GCGR: variants seen among roughly 807,000 people sequenced by gnomAD.
The protein encoded by GCGR is glucagon receptor.
In GCGR, 41 loss-of-function variants were observed where a neutral mutation model predicts 56.1. That is an observed-to-expected ratio of 0.73 (90% confidence interval 0.57 to 0.95). The LOEUF is 0.95. Among genes scored for constraint, GCGR ranks in the 40% least tolerant of loss-of-function variants. GCGR has a pLI of 0.00. For missense variants in GCGR, 595 were observed against 638.2 expected (o/e 0.93, Z 0.73); for synonymous variants, 278 against 271.1 (o/e 1.03, Z -0.25).
chr17:81,812,912 G>A lies in GCGR; in HGVS notation c.1143G>A (p.Lys381=). 6.5e-7 allele frequency: 1 copy of A among 1,536,120 alleles called. No homozygotes were observed. Among genetic ancestry groups the A allele is most frequent in the Non-Finnish European group, 8.7e-7 (1 of 1,146,756 alleles). The change falls in exon 12 of 14, where the codon AAG becomes AAA. Residue 381 remains lysine (K), a synonymous_variant. Coordinates refer to ENST00000400723, the MANE Select transcript of GCGR (RefSeq NM_000160.5). The surrounding 1 kb of genome is among the most constrained non-coding windows in gnomAD (Gnocchi z 8.5). Reference sequence around the variant, plus strand: ...CCCAGGGCACCCTGCGCTCCGCCAAGCTCTTCTTCGACCTCTTCCTCAGCT... The same window carrying A: ...CCCAGGGCACCCTGCGCTCCGCCAAACTCTTCTTCGACCTCTTCCTCAGCT... ...EHAQGTLRSA[K]LFFDLFLSSF... is the part of the protein sequence containing the mutation.
chr17:81,811,356 C>A lies in GCGR; in HGVS notation c.500+28C>A. The stretch of plus-strand genomic sequence containing the variant: ...AGGATTCCGCCAGCGCCCGGGGCGG[C>A]CGCAGAGGACAGGGAGGAGGACGGG... On this transcript the variant is annotated intron_variant, in intron 6 of 13. Coordinates refer to ENST00000400723, the MANE Select transcript of GCGR (RefSeq NM_000160.5). The surrounding 1 kb of genome is among the most constrained non-coding windows in gnomAD (Gnocchi z 5.8). The A allele has an allele frequency of 6.5e-7, 1 of 1,534,490 alleles. No homozygotes were observed. Among genetic ancestry groups the A allele is most frequent in the Non-Finnish European group, 8.7e-7 (1 of 1,145,486 alleles).
intron 1 of GCGR, among the ~76,000 whole-genome samples, chr17:81,807,104 G>A (rs1338744512): frequency 6.6e-6 from 1 of 152,174 alleles, no homozygotes; most frequent in African/African-American, 2.4e-5. Flanking sequence ...GTTTGATCAG[G>A]ATCAGGGAAG....
chr17:81,813,812 C>T lies in GCGR; in HGVS notation c.*123C>T. The T allele has an allele frequency of 5.7e-6, 5 of 878,758 alleles. No homozygotes were observed. Among genetic ancestry groups the T allele is most frequent in the East Asian group, 2.7e-5 (1 of 37,674 alleles). The allele number at this position is 878,758 out of a possible 1,614,324, so 54.4% of individuals were successfully genotyped here. ...AGCCAACAGCAGCCCCCACCTACCCCCCACCCCCAGTGTGGCTGTCTGCGA... is the reference window on the plus strand; with the variant it reads ...AGCCAACAGCAGCCCCCACCTACCCTCCACCCCCAGTGTGGCTGTCTGCGA... On this transcript the variant is annotated 3_prime_UTR_variant, in exon 14 of 14. Transcript: ENST00000400723. The surrounding 1 kb of genome is among the most constrained non-coding windows in gnomAD (Gnocchi z 5.3).
In GCGR at chr17:81,810,070, G is replaced by A; in HGVS notation, c.163+186G>A. The A allele has an allele frequency of 1.5e-6, 1 of 664,066 alleles. No individual in the cohort carries two copies. The highest frequency in any genetic ancestry group is 2.8e-6 in the Non-Finnish European group (1 of 362,832). The allele number at this position is 664,066 out of a possible 1,614,324, so 41.1% of individuals were successfully genotyped here. On this transcript the variant is annotated intron_variant, in intron 3 of 13. Coordinates refer to ENST00000400723, the MANE Select transcript of GCGR (RefSeq NM_000160.5). This position sits in a 1 kb window ranked among gnomAD's most constrained non-coding sequence, Gnocchi z 4.6. ...GAGGTAACTGAGCCACAGAGCTGGGGACTTGCCTCAGGCCGCAGAGCCAGG... is the reference window on the plus strand; with the variant it reads ...GAGGTAACTGAGCCACAGAGCTGGGAACTTGCCTCAGGCCGCAGAGCCAGG...
At position 81,813,200 on chromosome 17, in the gene GCGR, T is replaced by G. The variant is rs2038140085; in HGVS notation, c.1218+143T>G. ...AGCCTTTCCCTCCCCCTGCTCTTAT[T>G]GGGTGCAGTTGCCATGGCGCTGGGT... On this transcript the variant is annotated intron_variant, in intron 13 of 13. Transcript: ENST00000400723. This position sits in a 1 kb window ranked among gnomAD's most constrained non-coding sequence, Gnocchi z 5.3. 1.5e-6 allele frequency: 2 copies of G among 1,320,060 alleles called. No homozygotes were observed. Among genetic ancestry groups the G allele is most frequent in the African/African-American group, 1.5e-5 (1 of 68,796 alleles). The allele number at this position is 1,320,060 out of a possible 1,614,324, so 81.8% of individuals were successfully genotyped here. A position where few individuals can be genotyped will look rare whatever the true frequency, so the allele number is the denominator to read the frequency against.
chr17:81,812,628 C>G lies in GCGR; in HGVS notation c.1000C>G (p.Arg334Gly), dbSNP rs976902380. The G allele has an allele frequency of 6.5e-7, 1 of 1,536,396 alleles. No individual in the cohort carries two copies. Among genetic ancestry groups the G allele is most frequent in the African/African-American group, 1.4e-5 (1 of 73,148 alleles). Residue 334 changes from arginine to glycine, a missense_variant, in exon 11 of 14, where the codon CGG becomes GGG. Physicochemically the swap from Arg to Gly is moderately radical, Grantham distance 125. Coordinates refer to ENST00000400723, the MANE Select transcript of GCGR (RefSeq NM_000160.5). This position sits in a 1 kb window ranked among gnomAD's most constrained non-coding sequence, Gnocchi z 8.5. ...RIVQLLVAKL[R>G]ARQMHHTDYK... Reference sequence around the variant, plus strand: ...CGTTCAGCTGCTCGTGGCCAAGCTGCGGGCACGGCAGATGCACCACACAGA... The same window carrying G: ...CGTTCAGCTGCTCGTGGCCAAGCTGGGGGCACGGCAGATGCACCACACAGA...
chr17:81,808,808 C>G, intron 1 of GCGR, 34 bp from the exon 2 acceptor site: 1 of 617,552 alleles, frequency 1.6e-6, no homozygotes, highest in South Asian at 2.0e-5. Flanking sequence ...CGTGAGCCGC[C>G]GCGCCCGGCC....
chr17:81,809,143 TCTGTCTGC>T (rs200551811), intron 2 of GCGR, 65 bp downstream of exon 2: 247,869 of 1,501,090 alleles, frequency 0.17, 21,069 homozygotes, highest in African/African-American at 0.22. Flanking sequence ...CTGATGGCTC[TCTGTCTGC>T]CTGCCTGCCT....
intron 2 of GCGR, among the ~76,000 whole-genome samples, chr17:81,809,564 CGTCT>C (rs1181266823): frequency 1.0e-5 from 1 of 100,114 alleles, no homozygotes; most frequent in Non-Finnish European, 2.0e-5. Context: ...TCTGCCTGTC[CGTCT>C]GCCTGTCTGT....
rs183154338 is a variant in GCGR, at chr17:81,806,799, C to A, written c.-177-2043C>A. Among the ~76,000 whole-genome samples, 1 of 151,458 alleles carries A rather than the reference C, an allele frequency of 6.6e-6. No individual in the cohort carries two copies. Among genetic ancestry groups the A allele is most frequent in the African/African-American group, 2.4e-5 (1 of 41,222 alleles). On this transcript the variant is annotated intron_variant, in intron 1 of 13. Transcript: ENST00000400723. The surrounding 1 kb of genome is among the most constrained non-coding windows in gnomAD (Gnocchi z 6.5). Reference sequence around the variant, plus strand: ...GTGAGCACGCGTCCCCCCCCACCCCCACTTCGAGGCGCCCAGGCAGGGAAC... The same window carrying A: ...GTGAGCACGCGTCCCCCCCCACCCCAACTTCGAGGCGCCCAGGCAGGGAAC...
chr17:81,810,524 G>C lies in GCGR; in HGVS notation c.164-301G>C. On this transcript the variant is annotated intron_variant, in intron 3 of 13. Transcript: ENST00000400723. This position sits in a 1 kb window ranked among gnomAD's most constrained non-coding sequence, Gnocchi z 4.6. ...ACGGAGAATGGGGGACCCCAGTGTG[G>C]GTTTGGGGCACATTTGAGATGGGGG... 1.9e-6 allele frequency: 1 copy of C among 518,052 alleles called. No homozygotes were observed. The allele number at this position is 518,052 out of a possible 1,614,324, so 32.1% of individuals were successfully genotyped here.
At position 81,811,114 on chromosome 17, in the gene GCGR, G is replaced by A. The variant is rs889041091; in HGVS notation, c.376G>A (p.Glu126Lys). ...TGCCTCCCAGTGCCAGATGGATGGCGAGGAGATTGAGGTCCAGGTCAGTGG... is the reference window on the plus strand; with the variant it reads ...TGCCTCCCAGTGCCAGATGGATGGCAAGGAGATTGAGGTCCAGGTCAGTGG... Reference protein sequence around the residue: ...RDASQCQMDGEEIEVQKEVAK... With the variant: ...RDASQCQMDGKEIEVQKEVAK... The change falls in exon 5 of 14, where the codon GAG (glutamate) becomes AAG (lysine). Residue 126 changes from glutamate (E) to lysine (K), a missense_variant. Coordinates refer to ENST00000400723, the MANE Select transcript of GCGR (RefSeq NM_000160.5). This position sits in a 1 kb window ranked among gnomAD's most constrained non-coding sequence, Gnocchi z 5.8. 5.5e-5 allele frequency: 85 copies of A among 1,536,144 alleles called. No homozygotes were observed. Among genetic ancestry groups the A allele is most frequent in the Non-Finnish European group, 7.1e-5 (81 of 1,146,842 alleles).
At position 81,804,662 on chromosome 17, in the gene GCGR, G is replaced by A. The variant is rs1568245892; in HGVS notation, c.-178+413G>A. 1.3e-5 allele frequency among the ~76,000 whole-genome samples: 2 copies of A among 152,072 alleles called. No homozygotes were observed. The highest frequency in any genetic ancestry group is 2.9e-5 in the Non-Finnish European group (2 of 67,988). ...CCCCGAGGCGCGGGGTCTCACCAGC[G>A]CTGTCTCCCCTCGGTGGGCTCCTGC... On this transcript the variant is annotated intron_variant, in intron 1 of 13. Transcript: ENST00000400723. This position sits in a 1 kb window ranked among gnomAD's most constrained non-coding sequence, Gnocchi z 8.2.
chr17:81,812,994 C>T lies in GCGR; in HGVS notation c.1177-22C>T. 1 of 1,536,268 alleles carries T rather than the reference C, an allele frequency of 6.5e-7. No homozygotes were observed. ...CCCGCCCGGGGCGCAGTGTGCCACC[C>T]CTGACCACCCTGTCTCTCCAGGGCC... On this transcript the variant is annotated intron_variant, in intron 12 of 13. Coordinates refer to ENST00000400723, the MANE Select transcript of GCGR (RefSeq NM_000160.5). The surrounding 1 kb of genome is among the most constrained non-coding windows in gnomAD (Gnocchi z 8.5).
intron 1 of GCGR, among the ~76,000 whole-genome samples, chr17:81,807,209 A>G (rs567657428): frequency 1.5e-3 from 229 of 151,878 alleles, no homozygotes; most frequent in Non-Finnish European, 2.6e-3. Context: ...AGAGGCCCCT[A>G]CTCTGTGGGT....
chr17:81,810,228 AG>A lies in GCGR; in HGVS notation c.163+348del. On this transcript the variant is annotated intron_variant, in intron 3 of 13. Transcript: ENST00000400723. The surrounding 1 kb of genome is among the most constrained non-coding windows in gnomAD (Gnocchi z 4.6). ...TGCCAGGGCGTGGAAGCTGGGACCC[AG>A]GGGCCTGGGAGGGCTCGGGTGGAGA... is the stretch of plus-strand genomic sequence containing the variant. The A allele has an allele frequency of 2.4e-6, 1 of 416,662 alleles. No homozygotes were observed. The highest frequency in any genetic ancestry group is 4.6e-6 in the Non-Finnish European group (1 of 219,582). The allele number at this position is 416,662 out of a possible 1,614,324, so 25.8% of individuals were successfully genotyped here.
Position 81,813,003 on chromosome 17 carries a change from CCT to C in GCGR, c.1177-12_1177-11del. The C allele has an allele frequency of 6.5e-7, 1 of 1,536,398 alleles. No homozygotes were observed. Among genetic ancestry groups the C allele is most frequent in the South Asian group, 1.2e-5 (1 of 84,060 alleles). On this transcript the variant is annotated splice_polypyrimidine_tract_variant and intron_variant, in intron 12 of 13. Coordinates refer to ENST00000400723, the MANE Select transcript of GCGR (RefSeq NM_000160.5). The surrounding 1 kb of genome is among the most constrained non-coding windows in gnomAD (Gnocchi z 5.3). ...GGCGCAGTGTGCCACCCCTGACCAC[CCT>C]GTCTCTCCAGGGCCTGCTGGTGGCT...
Position 81,813,765 on chromosome 17 carries a change from C to T in GCGR, c.*76C>T, listed in dbSNP as rs1044608936. 8 of 1,407,074 alleles carry T rather than the reference C, an allele frequency of 5.7e-6. No individual in the cohort carries two copies. The highest frequency in any genetic ancestry group is 2.5e-5 in the East Asian group (1 of 39,782). The allele number at this position is 1,407,074 out of a possible 1,614,324, so 87.2% of individuals were successfully genotyped here. The stretch of plus-strand genomic sequence containing the variant: ...GCTGGACAACCCAGAACTGGACGCC[C>T]AGCTGAGGCTGGGGGCGGGGGAGCC... On this transcript the variant is annotated 3_prime_UTR_variant, in exon 14 of 14. Transcript: ENST00000400723. This position sits in a 1 kb window ranked among gnomAD's most constrained non-coding sequence, Gnocchi z 5.3.
rs780926999 is a variant in GCGR, at chr17:81,812,951, C to T, written c.1176+6C>T. On this transcript the variant is annotated splice_donor_region_variant and intron_variant, in intron 12 of 13. Coordinates refer to ENST00000400723, the MANE Select transcript of GCGR (RefSeq NM_000160.5). The surrounding 1 kb of genome is among the most constrained non-coding windows in gnomAD (Gnocchi z 8.5). ...TCTTCCTCAGCTCCTTCCAGGTGCCCGCCCGCCCGCCGGCTCCCCCGCCCG... is the reference window on the plus strand; with the variant it reads ...TCTTCCTCAGCTCCTTCCAGGTGCCTGCCCGCCCGCCGGCTCCCCCGCCCG... The T allele has an allele frequency of 1.3e-5, 20 of 1,535,392 alleles. No homozygotes were observed. The highest frequency in any genetic ancestry group is 1.7e-4 in the Middle Eastern group (1 of 6,000).
Sources: gnomAD v4.1 joint callset for allele counts (sites outside exome capture counted in the v4.1 genomes callset) on GRCh38, gnomAD v4.1.1 for gene constraint, Gnocchi (gnomAD v3.1) non-coding constraint, MANE v1.5 for transcripts, NCBI Gene and HGNC (gene_info 2026-07-23, HGNC 2026-07-21) for gene names.